Variants in VKORC1L1 observed in about 807,000 individuals in gnomAD.
VKORC1L1 encodes vitamin K epoxide reductase complex subunit 1L1, also known as vitamin K epoxide reductase complex subunit 1-like protein 1.
In VKORC1L1, 2 loss-of-function variants were observed where a neutral mutation model predicts 18.9. That is an observed-to-expected ratio of 0.11 (90% CI 0.04 to 0.33). VKORC1L1 has a LOEUF of 0.33. Among genes scored for constraint, VKORC1L1 ranks in the 10% least tolerant of loss-of-function variants. The pLI is 1.00. For missense variants in VKORC1L1, 123 were observed against 224.1 expected (o/e 0.55, Z 2.88); for synonymous variants, 96 against 100.0 (o/e 0.96, Z 0.24).
chr7:65,912,031 G>A (rs909668350), intron 1 of VKORC1L1, among the ~76,000 whole-genome samples: 1 of 152,160 alleles, frequency 6.6e-6, no homozygotes, highest in Non-Finnish European at 1.5e-5. Context: ...GGTAAAAGGG[G>A]GAGGACTGAT....
At chr7:65,929,680 G>GTATATATATATATACATATA (rs150255530) in intron 1 of VKORC1L1, among the ~76,000 whole-genome samples, 1 of 103,774 alleles carries the variant, frequency 9.6e-6, no homozygotes, top group Non-Finnish European at 1.9e-5. Flanking sequence ...ATGTGTGTGT[G>GTATATATATATATACATATA]TGTATATATA....
chr7:65,909,737 T>TGTGTGTGTGTGTGTGTGTGTGTGTGA (rs1491345250), intron 1 of VKORC1L1, among the ~76,000 whole-genome samples: 1 of 145,172 alleles, frequency 6.9e-6, no homozygotes, highest in Non-Finnish European at 1.5e-5. Flanking sequence ...TGTGTGTGTG[T>TGTGTGTGTGTGTGTGTGTGTGTGTGA]GACGGAGGCT....
At chr7:65,901,829 C>T (rs544505463) in intron 1 of VKORC1L1, among the ~76,000 whole-genome samples, 11 of 152,222 alleles carry the variant, frequency 7.2e-5, no homozygotes, top group Non-Finnish European at 1.2e-4. Context: ...AGAGAAAGAA[C>T]CCCACTGGAA....
At chr7:65,888,903 G>T (rs1442728916) in intron 1 of VKORC1L1, among the ~76,000 whole-genome samples, 1 of 152,092 alleles carries the variant, frequency 6.6e-6, no homozygotes, top group Non-Finnish European at 1.5e-5. Context: ...GTTGTTGCTT[G>T]TGTCAAGTCA....
intron 1 of VKORC1L1, among the ~76,000 whole-genome samples, chr7:65,924,059 G>A (rs1212234001): frequency 1.3e-5 from 2 of 152,178 alleles, no homozygotes; most frequent in East Asian, 3.8e-4. Context: ...AGTGCATGAG[G>A]TGGTACCACC....
intron 1 of VKORC1L1, among the ~76,000 whole-genome samples, chr7:65,899,995 TCACA>T (rs57416389): frequency 0.13 from 18,751 of 149,844 alleles, 1,307 homozygotes; most frequent in Middle Eastern, 0.21. Context: ...AGTGAAACTG[TCACA>T]CACACACAAA....
At chr7:65,925,479 G>C (rs1017890912) in intron 1 of VKORC1L1, among the ~76,000 whole-genome samples, 1 of 152,166 alleles carries the variant, frequency 6.6e-6, no homozygotes, top group African/African-American at 2.4e-5. Flanking sequence ...GCAGAATTCA[G>C]CCTCTTCATT....
chr7:65,946,933 A>T (rs1790127854), intron 1 of VKORC1L1, among the ~76,000 whole-genome samples: 1 of 152,100 alleles, frequency 6.6e-6, no homozygotes, highest in South Asian at 2.1e-4. Flanking sequence ...CCAGTACTTC[A>T]AGACCAGCCT....
intron 1 of VKORC1L1, among the ~76,000 whole-genome samples, chr7:65,943,856 G>A (rs1205186187): frequency 6.6e-6 from 1 of 152,096 alleles, no homozygotes; most frequent in East Asian, 1.9e-4. Flanking sequence ...AATAAATGTT[G>A]ATATTCTTAA....
At chr7:65,946,981 CA>C (rs753721656) in intron 1 of VKORC1L1, among the ~76,000 whole-genome samples, 45 of 134,042 alleles carry the variant, frequency 3.4e-4, no homozygotes, top group Admixed American at 2.5e-3. Flanking sequence ...AAAAAAATAC[CA>C]AAAAAAAAAT....
At chr7:65,905,613 T>G (rs1789393825) in intron 1 of VKORC1L1, among the ~76,000 whole-genome samples, 1 of 152,126 alleles carries the variant, frequency 6.6e-6, no homozygotes, top group African/African-American at 2.4e-5. Flanking sequence ...CCAGCCAAAT[T>G]TGCCATTTTA....
At chr7:65,903,211 G>C (rs1181985582) in intron 1 of VKORC1L1, among the ~76,000 whole-genome samples, 2 of 148,588 alleles carry the variant, frequency 1.3e-5, no homozygotes, top group Admixed American at 1.4e-4. Flanking sequence ...CTCTTGCCCA[G>C]GCTGGAGTGC....
Position 65,894,639 on chromosome 7 carries a change from A to G in VKORC1L1, c.194+21074A>G, listed in dbSNP as rs189438225. Among the ~76,000 whole-genome samples, 51 of 152,284 alleles carry G rather than the reference A, an allele frequency of 3.3e-4. No individual in the cohort carries two copies. The East Asian group carries it at 9.9e-3, about 29-fold the overall frequency. ...GCTACTCGGGAGGCTGAGGCAGGAGAATGGTGTGAACCCGGGAGGTGGAGG... is the reference window on the plus strand; with the variant it reads ...GCTACTCGGGAGGCTGAGGCAGGAGGATGGTGTGAACCCGGGAGGTGGAGG... On this transcript the variant is annotated intron_variant, in intron 1 of 2. Transcript: ENST00000360768.
chr7:65,897,332 AT>A (rs1789231246), intron 1 of VKORC1L1, among the ~76,000 whole-genome samples: 1 of 152,252 alleles, frequency 6.6e-6, no homozygotes, highest in Non-Finnish European at 1.5e-5. Context: ...AAGAAGTTTG[AT>A]TAGCTATTGA....
intron 1 of VKORC1L1, among the ~76,000 whole-genome samples, chr7:65,943,799 A>C (rs1214179785): frequency 6.6e-6 from 1 of 152,168 alleles, no homozygotes; most frequent in African/African-American, 2.4e-5. Flanking sequence ...CTGTCTGAAA[A>C]ATAAATAAAT....
At chr7:65,875,941 C>T (rs1456838096) in intron 1 of VKORC1L1, among the ~76,000 whole-genome samples, 1 of 152,140 alleles carries the variant, frequency 6.6e-6, no homozygotes, top group East Asian at 1.9e-4. Context: ...ATTCTCATTT[C>T]GCAAGCCCTG....
At chr7:65,867,283 A>G in the VKORC1L1 span, among the ~76,000 whole-genome samples, 1 of 152,052 alleles carries the variant, frequency 6.6e-6, no homozygotes, top group East Asian at 1.9e-4. Flanking sequence ...AGATAACCCA[A>G]CCTACCTCTC....
chr7:65,939,469 G>A (rs1361984692), intron 1 of VKORC1L1, among the ~76,000 whole-genome samples: 1 of 152,220 alleles, frequency 6.6e-6, no homozygotes, highest in Non-Finnish European at 1.5e-5. Context: ...AGCAATTTTG[G>A]ATGTGGTGGA....
intron 1 of VKORC1L1, among the ~76,000 whole-genome samples, chr7:65,887,050 C>G (rs1378246711): frequency 6.6e-6 from 1 of 151,172 alleles, no homozygotes; most frequent in East Asian, 2.0e-4. Context: ...GAGGTTTCAC[C>G]GTGTTAGCCA....
Sources: gnomAD v4.1 joint callset for allele counts (sites outside exome capture counted in the v4.1 genomes callset) on GRCh38, gnomAD v4.1.1 for gene constraint, MANE v1.5 for transcripts, NCBI Gene and HGNC (gene_info 2026-07-23, HGNC 2026-07-21) for gene names.